KIRREL3: variants seen among roughly 807,000 people sequenced by gnomAD.
The protein encoded by KIRREL3 is kin of IRRE-like protein 3.
Under a neutral mutation model 89.7 loss-of-function variants are expected in KIRREL3, and 36 were observed. The observed-to-expected ratio is 0.40, with a 90% confidence interval of 0.31 to 0.53. The LOEUF (loss-of-function observed/expected upper bound fraction) is 0.53, where lower values mean the gene tolerates loss of function less well. Ranked by LOEUF, KIRREL3 falls within the 20% of genes least tolerant of loss-of-function variation. The probability of loss-of-function intolerance (pLI) is 0.49; values close to 1 mark genes in which losing one functional copy is unlikely to be tolerated. For synonymous variants in KIRREL3, 445 were observed against 441.4 expected (o/e 1.01, Z -0.10); for missense variants, 864 against 1,056.6 (o/e 0.82, Z 2.53).
At position 126,833,956 on chromosome 11, in the gene KIRREL3, C is replaced by A. The variant is rs567541532; in HGVS notation, c.55+166499G>T. The stretch of plus-strand genomic sequence containing the variant: ...TTTTGTTTCAGCCTTTGGAGTTGAC[C>A]ACCTTTTCTTGCAACTTCTGTTGCT... On this transcript the variant is annotated intron_variant, in intron 1 of 16. Transcript: ENST00000525144. 4.6e-5 allele frequency among the ~76,000 whole-genome samples: 7 copies of A among 152,274 alleles called. No homozygotes were observed. The South Asian group carries it at 1.4e-3, about 32-fold the overall frequency.
At chr11:126,973,706 G>T (rs1949494120) in intron 1 of KIRREL3, among the ~76,000 whole-genome samples, 1 of 152,134 alleles carries the variant, frequency 6.6e-6, no homozygotes, top group African/African-American at 2.4e-5. Context: ...TGTAAAACAA[G>T]AATAATAATA....
chr11:126,824,852 G>A (rs564605715), intron 1 of KIRREL3, among the ~76,000 whole-genome samples: 64 of 152,318 alleles, frequency 4.2e-4, no homozygotes, highest in African/African-American at 1.5e-3. Flanking sequence ...GTGAAGACAA[G>A]CTATTGATTT....
chr11:126,532,182 G>C (rs918111585), intron 2 of KIRREL3, among the ~76,000 whole-genome samples: 2 of 152,052 alleles, frequency 1.3e-5, no homozygotes, highest in Non-Finnish European at 2.9e-5. Flanking sequence ...AGAAATGCAG[G>C]GACTTGCACA....
Position 126,811,906 on chromosome 11 carries a change from A to G in KIRREL3, c.55+188549T>C, listed in dbSNP as rs1951402515. On this transcript the variant is annotated intron_variant, in intron 1 of 16. Coordinates refer to ENST00000525144, the MANE Select transcript of KIRREL3 (RefSeq NM_032531.4). The surrounding 1 kb of genome is among the most constrained non-coding windows in gnomAD (Gnocchi z 4.3). ...CTGGCCAGCAATGAACTTCTAAGAG[A>G]AATCAGATCAAGCCCTCAAACATTA... is the stretch of plus-strand genomic sequence containing the variant. Among the ~76,000 whole-genome samples the G allele has an allele frequency of 6.6e-6, 1 of 152,128 alleles. No individual in the cohort carries two copies. The highest frequency in any genetic ancestry group is 2.4e-5 in the African/African-American group (1 of 41,430).
rs1387216383 is a variant in KIRREL3 at position 126,687,855 on chromosome 11, C to T, written c.56-124943G>A. On this transcript the variant is annotated intron_variant, in intron 1 of 16. Coordinates refer to ENST00000525144, the MANE Select transcript of KIRREL3 (RefSeq NM_032531.4). This position sits in a 1 kb window ranked among gnomAD's most constrained non-coding sequence, Gnocchi z 4.6. ...GCACAGCCTTGAAGAGACGCCTGTG[C>T]AAGGCACAGGCTCCACTGCCAGCGA... Among the ~76,000 whole-genome samples, 1 of 152,168 alleles carries T rather than the reference C, an allele frequency of 6.6e-6. No individual in the cohort carries two copies. The highest frequency in any genetic ancestry group is 1.5e-5 in the Non-Finnish European group (1 of 68,034).
At position 126,550,665 on chromosome 11, in the gene KIRREL3, A is replaced by G. The variant is rs1170784023; in HGVS notation, c.133+12170T>C. The G allele has an allele frequency of 6.6e-6, 1 of 152,224 alleles. No homozygotes were observed. Among genetic ancestry groups the G allele is most frequent in the Admixed American group, 6.5e-5 (1 of 15,278 alleles). 9.4% of individuals were successfully genotyped at this position (152,224 alleles called of 1,614,324 possible). A position where few individuals can be genotyped will look rare whatever the true frequency, so the allele number is the denominator to read the frequency against. On this transcript the variant is annotated intron_variant, in intron 2 of 16. Coordinates refer to ENST00000525144, the MANE Select transcript of KIRREL3 (RefSeq NM_032531.4). This position sits in a 1 kb window ranked among gnomAD's most constrained non-coding sequence, Gnocchi z 4.9. ...CTCCGTCTCTGTCTCGAGAGAAAAA[A>G]AAAAAAAGAATATTAGTCGCAATGA... is the stretch of plus-strand genomic sequence containing the variant.
chr11:126,965,360 T>A lies in KIRREL3; in HGVS notation c.55+35095A>T, dbSNP rs1018107584. Among the ~76,000 whole-genome samples, 1 of 152,352 alleles carries A rather than the reference T, an allele frequency of 6.6e-6. No individual in the cohort carries two copies. The highest frequency in any genetic ancestry group is 1.9e-4 in the East Asian group (1 of 5,194). ...GATAAACTCTACCTTTGGACATCGG[T>A]ACTCAACTCTTAAGAAGTGAAGAGT... On this transcript the variant is annotated intron_variant, in intron 1 of 16. Transcript: ENST00000525144. This position sits in a 1 kb window ranked among gnomAD's most constrained non-coding sequence, Gnocchi z 4.4.
intron 1 of KIRREL3, among the ~76,000 whole-genome samples, chr11:126,821,782 C>T (rs371410776): frequency 1.3e-5 from 2 of 151,904 alleles, no homozygotes; most frequent in East Asian, 1.9e-4. Context: ...GTCAGAATGA[C>T]GCAGGGTGCA....
chr11:127,000,883 G>T (rs1950300194), upstream of KIRREL3: 2 of 406,002 alleles, frequency 4.9e-6, no homozygotes, highest in Non-Finnish European at 4.3e-6. This position sits in a 1 kb window ranked among gnomAD's most constrained non-coding sequence, Gnocchi z 7.1. Flanking sequence ...GAGGCGAGGG[G>T]AGAGGGAGGG....
chr11:126,689,239 C>T lies in KIRREL3; in HGVS notation c.56-126327G>A, dbSNP rs1284762280. 6.6e-6 allele frequency among the ~76,000 whole-genome samples: 1 copy of T among 152,128 alleles called. No individual in the cohort carries two copies. Among genetic ancestry groups the T allele is most frequent in the Non-Finnish European group, 1.5e-5 (1 of 68,022 alleles). ...GTTAAGAAAGACGATTTTCCAATGG[C>T]CAATACCTTCTCCCAGTGGCTTGTG... On this transcript the variant is annotated intron_variant, in intron 1 of 16. Coordinates refer to ENST00000525144, the MANE Select transcript of KIRREL3 (RefSeq NM_032531.4). The surrounding 1 kb of genome is among the most constrained non-coding windows in gnomAD (Gnocchi z 5.2).
In KIRREL3 at chr11:126,622,123, A is replaced by G. The variant is rs149714319; in HGVS notation, c.56-59211T>C. ...ATCTCATTTGTGTCATTATTTTGCT[A>G]TCCTTGCCTCTCTTGGGATTTGTGG... On this transcript the variant is annotated intron_variant, in intron 1 of 16. Coordinates refer to ENST00000525144, the MANE Select transcript of KIRREL3 (RefSeq NM_032531.4). The surrounding 1 kb of genome is among the most constrained non-coding windows in gnomAD (Gnocchi z 5.2). 7.3e-4 allele frequency among the ~76,000 whole-genome samples: 111 copies of G among 152,290 alleles called. 1 individual carries two copies. Among genetic ancestry groups the G allele is most frequent in the African/African-American group, 2.5e-3 (105 of 41,572 alleles).
At chr11:126,451,121 GTGTGCA>G (rs1430564606) in intron 7 of KIRREL3, among the ~76,000 whole-genome samples, 3 of 151,044 alleles carry the variant, frequency 2.0e-5, no homozygotes, top group African/African-American at 7.3e-5. Context: ...GCATGTGTGT[GTGTGCA>G]TGTGCATGTG....
At chr11:126,859,260 T>TA (rs1334220268) in intron 1 of KIRREL3, among the ~76,000 whole-genome samples, 1 of 152,168 alleles carries the variant, frequency 6.6e-6, no homozygotes, top group Non-Finnish European at 1.5e-5. Context: ...TGGAATATAT[T>TA]AGCTTCTTTA....
In KIRREL3 at chr11:126,608,718, G is replaced by A. The variant is rs990910702; in HGVS notation, c.56-45806C>T. Among the ~76,000 whole-genome samples, 1 of 152,228 alleles carries A rather than the reference G, an allele frequency of 6.6e-6. No individual in the cohort carries two copies. The highest frequency in any genetic ancestry group is 1.5e-5 in the Non-Finnish European group (1 of 68,038). On this transcript the variant is annotated intron_variant, in intron 1 of 16. Transcript: ENST00000525144. This position sits in a 1 kb window ranked among gnomAD's most constrained non-coding sequence, Gnocchi z 4.9. Reference sequence around the variant, plus strand: ...AGAGGCACTGAGGACTCCTCCTGGAGGCAGGCAGGGGGCTGTCCAGAGGCA... The same window carrying A: ...AGAGGCACTGAGGACTCCTCCTGGAAGCAGGCAGGGGGCTGTCCAGAGGCA...
intron 1 of KIRREL3, among the ~76,000 whole-genome samples, chr11:126,598,311 A>G (rs480073): frequency 0.88 from 133,825 of 152,264 alleles, 59,277 homozygotes; most frequent in Non-Finnish European, 0.93. Context: ...TGCCTACCTA[A>G]TATACATTCT....
intron 1 of KIRREL3, among the ~76,000 whole-genome samples, chr11:126,851,957 C>T (rs1353684818): frequency 6.6e-6 from 1 of 151,842 alleles, no homozygotes; most frequent in Non-Finnish European, 1.5e-5. Flanking sequence ...GCACAGAGGC[C>T]TTTGCACCTG....
Position 126,772,866 on chromosome 11 carries a change from A to G in KIRREL3, c.56-209954T>C, listed in dbSNP as rs2134303679. Among the ~76,000 whole-genome samples, 1 of 152,224 alleles carries G rather than the reference A, an allele frequency of 6.6e-6. No homozygotes were observed. Among genetic ancestry groups the G allele is most frequent in the Admixed American group, 6.5e-5 (1 of 15,294 alleles). On this transcript the variant is annotated intron_variant, in intron 1 of 16. Transcript: ENST00000525144. This position sits in a 1 kb window ranked among gnomAD's most constrained non-coding sequence, Gnocchi z 4.6. ...TACCTACTGCATCTGGATCTTCATA[A>G]TTTGGCCAGAAACCTGCTTGGCCAA... is the stretch of plus-strand genomic sequence containing the variant.
intron 2 of KIRREL3, chr11:126,549,315 A>C (rs1409575659): frequency 1.3e-5 from 2 of 152,248 alleles, no homozygotes; most frequent in Non-Finnish European, 2.9e-5. Context: ...TCAGAAAGGA[A>C]GGCACAGGGA....
chr11:126,617,942 C>T (rs1482101710), intron 1 of KIRREL3, among the ~76,000 whole-genome samples: 1 of 152,164 alleles, frequency 6.6e-6, no homozygotes, highest in African/African-American at 2.4e-5. Flanking sequence ...GTGTCCCCAC[C>T]CAAGTCTTAT....
Sources: allele counts gnomAD v4.1 joint callset (sites outside exome capture counted in the v4.1 genomes callset), GRCh38; gene constraint gnomAD v4.1.1; non-coding constraint Gnocchi (gnomAD v3.1); transcripts MANE v1.5; gene names NCBI Gene and HGNC (gene_info 2026-07-23, HGNC 2026-07-21).